ITGAD: variants seen among roughly 807,000 people sequenced by gnomAD.
The protein encoded by ITGAD is integrin alpha-D.
In ITGAD, 105 loss-of-function variants were observed where a neutral mutation model predicts 139.0. The ratio of observed to expected loss-of-function variants is 0.76; its 90% CI spans 0.65 to 0.89. The LOEUF (loss-of-function observed/expected upper bound fraction) is 0.89. ITGAD is among the 40% of genes least tolerant of loss of function. The probability of loss-of-function intolerance (pLI) is 0.00; values close to 1 mark genes in which losing one functional copy is unlikely to be tolerated. For missense variants in ITGAD, 1,384 were observed against 1,487.3 expected (o/e 0.93, Z 1.14); for synonymous variants, 569 against 598.3 (o/e 0.95, Z 0.71).
intron 18 of ITGAD, 22 bp downstream of exon 18, chr16:31,415,013 C>T (rs956510121): frequency 1.1e-5 from 17 of 1,613,302 alleles, no homozygotes; most frequent in Non-Finnish European, 1.4e-5. Context: ...GATGAAGTCC[C>T]AGGGATGTGC....
rs761726663 is a variant in ITGAD, at chr16:31,403,457, T to C, written c.559-43T>C. 6.2e-7 allele frequency: 1 copy of C among 1,609,024 alleles called. No homozygotes were observed. ...CAAAAAATTAAAATAAAAACAATAG[T>C]AACAGGCACTGAGCCCTGGGCCCTC... On this transcript the variant is annotated intron_variant, in intron 6 of 29. Transcript: ENST00000389202. The surrounding 1 kb of genome is among the most constrained non-coding windows in gnomAD (Gnocchi z 4.4).
chr16:31,397,941 G>C (rs1410893727), intron 5 of ITGAD, 32 bp downstream of exon 5: 1 of 1,538,184 alleles, frequency 6.5e-7, no homozygotes, highest in East Asian at 2.3e-5. Context: ...GTTCCCTGTG[G>C]AGCACATGCT....
At chr16:31,410,128 T>A (rs531855452) in intron 10 of ITGAD, among the ~76,000 whole-genome samples, 1 of 151,910 alleles carries the variant, frequency 6.6e-6, no homozygotes, top group African/African-American at 2.4e-5. Context: ...GCTGCACATT[T>A]GGGTTTGGGA....
At position 31,394,319 on chromosome 16, in the gene ITGAD, G is replaced by A. The variant is rs1302150356; in HGVS notation, c.115G>A (p.Val39Met). 2 of 1,613,384 alleles carry A rather than the reference G, an allele frequency of 1.2e-6. No homozygotes were observed. Among genetic ancestry groups the A allele is most frequent in the South Asian group, 1.1e-5 (1 of 91,046 alleles). Residue 39 changes from valine to methionine, a missense_variant, in exon 2 of 30, where the codon GTG becomes ATG. Physicochemically the swap from Val to Met is conservative, Grantham distance 21. Coordinates refer to ENST00000389202, the MANE Select transcript of ITGAD (RefSeq NM_005353.3). ...QEDAGGFGQS[V>M]VQFGGSRLVV... ...GGATGCAGGCGGCTTTGGGCAGAGCGTGGTGCAGTTCGGTGGATCTCGGTA... is the reference window on the plus strand; with the variant it reads ...GGATGCAGGCGGCTTTGGGCAGAGCATGGTGCAGTTCGGTGGATCTCGGTA...
chr16:31,402,221 C>T lies in ITGAD; in HGVS notation c.534C>T (p.Gly178=). 1.2e-6 allele frequency: 2 copies of T among 1,605,328 alleles called. No homozygotes were observed. Among genetic ancestry groups the T allele is most frequent in the South Asian group, 1.1e-5 (1 of 90,912 alleles). The change falls in exon 6 of 30, where the codon GGC becomes GGT. Residue 178 remains glycine, a synonymous_variant. Transcript: ENST00000389202. ...QMKGFVQAVM[G]QFEGTDTLFA... is the part of the protein sequence containing the mutation. Reference sequence around the variant, plus strand: ...AGGGCTTTGTCCAAGCTGTCATGGGCCAGTTTGAGGGCACTGACACCCTGG... The same window carrying T: ...AGGGCTTTGTCCAAGCTGTCATGGGTCAGTTTGAGGGCACTGACACCCTGG...
intron 23 of ITGAD, among the ~76,000 whole-genome samples, chr16:31,421,373 T>C (rs992287272): frequency 6.7e-6 from 1 of 150,316 alleles, no homozygotes; most frequent in African/African-American, 2.5e-5. Flanking sequence ...GGAGGCCAAG[T>C]GCTGGGATTA....
intron 5 of ITGAD, 23 bp downstream of exon 5, chr16:31,397,932 T>G: frequency 1.3e-6 from 2 of 1,562,162 alleles, no homozygotes; most frequent in Non-Finnish European, 1.8e-6. Flanking sequence ...CAGGCCATGG[T>G]TCCCTGTGGA....
In ITGAD at chr16:31,418,374, C is replaced by A; in HGVS notation, c.2690C>A (p.Ala897Glu). 1.2e-6 allele frequency: 2 copies of A among 1,614,034 alleles called. No individual in the cohort carries two copies. The highest frequency in any genetic ancestry group is 1.1e-5 in the South Asian group (1 of 91,080). Reference protein sequence around the residue: ...LGDRMLMRASASSENNKASSS... With the variant: ...LGDRMLMRASESSENNKASSS... ...GACAGGATGCTTATGAGGGCCAGTG[C>A]AAGCAGGTGGGTCCAGGCCAGGGTA... The change falls in exon 22 of 30, where the codon GCA becomes GAA. Residue 897 changes from alanine to glutamate, a missense_variant. By Grantham distance (107) the Ala-to-Glu change is moderately radical. Coordinates refer to ENST00000389202, the MANE Select transcript of ITGAD (RefSeq NM_005353.3).
chr16:31,423,208 G>A lies in ITGAD; in HGVS notation c.2859+16G>A, dbSNP rs1002532895. ...TCGATACCGTGTGAGAGTCTAGGGA[G>A]TATCCATGTCTGCCTTCCACGTTGT... On this transcript the variant is annotated intron_variant, in intron 24 of 29. Coordinates refer to ENST00000389202, the MANE Select transcript of ITGAD (RefSeq NM_005353.3). 6.2e-7 allele frequency: 1 copy of A among 1,610,898 alleles called. No individual in the cohort carries two copies. Among genetic ancestry groups the A allele is most frequent in the Non-Finnish European group, 8.5e-7 (1 of 1,176,992 alleles).
At position 31,413,259 on chromosome 16, in the gene ITGAD, C is replaced by T; in HGVS notation, c.1996+13C>T. On this transcript the variant is annotated intron_variant, in intron 16 of 29. Coordinates refer to ENST00000389202, the MANE Select transcript of ITGAD (RefSeq NM_005353.3). ...CTGGACCAGCTAGGTGTGTTTCCCC[C>T]ATAAAGGGGGCCCAGGCCCCTCATT... The T allele has an allele frequency of 1.9e-6, 3 of 1,613,382 alleles. No individual in the cohort carries two copies. The highest frequency in any genetic ancestry group is 1.1e-5 in the South Asian group (1 of 91,038).
Position 31,418,385 on chromosome 16 carries a change from G to A in ITGAD, c.2696+5G>A. The stretch of plus-strand genomic sequence containing the variant: ...TATGAGGGCCAGTGCAAGCAGGTGG[G>A]TCCAGGCCAGGGTATCCCCCACCCT... On this transcript the variant is annotated splice_donor_5th_base_variant and intron_variant, in intron 22 of 29. Transcript: ENST00000389202. 2 of 1,613,806 alleles carry A rather than the reference G, an allele frequency of 1.2e-6. No homozygotes were observed. Among genetic ancestry groups the A allele is most frequent in the Non-Finnish European group, 1.7e-6 (2 of 1,179,780 alleles).
At chr16:31,418,009 C>A in intron 20 of ITGAD, 66 bp from the exon 21 acceptor site, 1 of 1,255,456 alleles carries the variant, frequency 8.0e-7, no homozygotes, top group Non-Finnish European at 1.2e-6. Context: ...GCAGTGCCAC[C>A]ACTGCTGTGT....
In ITGAD at chr16:31,405,869, C is replaced by T. The variant is rs1324330840; in HGVS notation, c.705-1646C>T. 3.9e-5 allele frequency among the ~76,000 whole-genome samples: 6 copies of T among 152,140 alleles called. No individual in the cohort carries two copies. In the East Asian group the frequency reaches 1.2e-3, roughly 29 times the overall value. On this transcript the variant is annotated intron_variant, in intron 7 of 29. Coordinates refer to ENST00000389202, the MANE Select transcript of ITGAD (RefSeq NM_005353.3). ...TATTGCCCAGGCTGGTCTTGAACTC[C>T]GGGCCTCGAGAGAGCCTCCTGCCTC...
chr16:31,401,991 C>T, intron 5 of ITGAD, 124 bp from the exon 6 acceptor site: 4 of 1,172,574 alleles, frequency 3.4e-6, no homozygotes, highest in Non-Finnish European at 4.9e-6. Flanking sequence ...GGGGCCTCCT[C>T]CAAGGAGGGG....
At chr16:31,411,623 G>A (rs2081719030) in intron 14 of ITGAD, 106 bp downstream of exon 14, 18 of 1,100,980 alleles carry the variant, frequency 1.6e-5, no homozygotes, top group Non-Finnish European at 2.3e-5. Context: ...TGTTGCAGTG[G>A]TTTGTCAGCT....
rs1055683663 is a variant in ITGAD, at chr16:31,403,865, C to T, written c.704+220C>T. The T allele has an allele frequency of 1.8e-6, 1 of 562,032 alleles. No individual in the cohort carries two copies. Among genetic ancestry groups the T allele is most frequent in the Admixed American group, 3.1e-5 (1 of 31,912 alleles). The allele number at this position is 562,032 out of a possible 1,614,324, so 34.8% of individuals were successfully genotyped here. ...TAGGCTCCTCTGCAGCTATGCCTCC[C>T]CTTTGCCTGGTTCTGCAGAGCCTGG... On this transcript the variant is annotated intron_variant, in intron 7 of 29. Coordinates refer to ENST00000389202, the MANE Select transcript of ITGAD (RefSeq NM_005353.3). This position sits in a 1 kb window ranked among gnomAD's most constrained non-coding sequence, Gnocchi z 4.4.
Position 31,407,910 on chromosome 16 carries a change from G to A in ITGAD, c.1003G>A (p.Val335Ile), listed in dbSNP as rs1254569101. The change falls in exon 9 of 30, where the codon GTT becomes ATT. Residue 335 changes from valine to isoleucine, a missense_variant. Coordinates refer to ENST00000389202, the MANE Select transcript of ITGAD (RefSeq NM_005353.3). The stretch of plus-strand genomic sequence containing the variant: ...GCAGCTGCAGGAGAAGATCTATGCA[G>A]TTGAGGGTAAATGGAAGCAAGGGTG... ...QKQLQEKIYA[V>I]EGTQSRASSS... 9.5e-6 allele frequency: 15 copies of A among 1,585,836 alleles called. No individual in the cohort carries two copies. Among genetic ancestry groups the A allele is most frequent in the Non-Finnish European group, 1.2e-5 (14 of 1,158,342 alleles).
Position 31,418,187 on chromosome 16 carries a change from C to G in ITGAD, c.2612C>G (p.Ser871Cys). The G allele has an allele frequency of 6.2e-7, 1 of 1,613,606 alleles. No homozygotes were observed. The highest frequency in any genetic ancestry group is 8.5e-7 in the Non-Finnish European group (1 of 1,179,524). ...AACCACCCCATCTTCCATGAGGGCT[C>G]TAACGTCAGTGCTTCTCCCTAAATC... is the stretch of plus-strand genomic sequence containing the variant. ...SVNHPIFHEG[S>C]NGTFIVTFDV... The change falls in exon 21 of 30, where the codon TCT (serine) becomes TGT (cysteine). Residue 871 changes from serine (S) to cysteine (C), a missense_variant. By Grantham distance (112) the Ser-to-Cys change is moderately radical. Transcript: ENST00000389202.
intron 16 of ITGAD, among the ~76,000 whole-genome samples, chr16:31,414,246 GCCAT>G (rs34319806): frequency 0.034 from 5,045 of 148,720 alleles, 273 homozygotes; most frequent in African/African-American, 0.12. Flanking sequence ...CTATTATCTA[GCCAT>G]CCATCCATCC....
Sources: allele counts gnomAD v4.1 joint callset (sites outside exome capture counted in the v4.1 genomes callset), GRCh38; gene constraint gnomAD v4.1.1; non-coding constraint Gnocchi (gnomAD v3.1); transcripts MANE v1.5; gene names NCBI Gene and HGNC (gene_info 2026-07-23, HGNC 2026-07-21).